Variants in FBXW5 observed in about 807,000 individuals in gnomAD.
FBXW5 encodes the protein F-box/WD repeat-containing protein 5.
In FBXW5, 74 loss-of-function variants were observed where a neutral mutation model predicts 50.9. That is an observed-to-expected ratio of 1.45 (90% CI 1.20 to 1.76). The LOEUF is 1.76. FBXW5 is among the 40% of genes most tolerant of loss of function. FBXW5 has a pLI of 0.00. For missense variants in FBXW5, 1,073 were observed against 818.8 expected (o/e 1.31, Z -3.79); for synonymous variants, 523 against 362.2 (o/e 1.44, Z -5.04).
chr9:136,943,571 T>A, intron 2 of FBXW5, 65 bp from the exon 3 acceptor site: 2 of 1,543,780 alleles, frequency 1.3e-6, no homozygotes, highest in Non-Finnish European at 1.8e-6. Context: ...ATGAGCCGAG[T>A]GTGGCCCCAG....
In FBXW5 at chr9:136,941,242, G is replaced by T; in HGVS notation, c.1457+9C>A. 1 of 1,602,956 alleles carries T rather than the reference G, an allele frequency of 6.2e-7. No individual in the cohort carries two copies. Among genetic ancestry groups the T allele is most frequent in the South Asian group, 1.1e-5 (1 of 90,772 alleles). On this transcript the variant is annotated intron_variant, in intron 8 of 8. Transcript: ENST00000325285. ...CCACACCCGCCCTGCACCACGCCGC[G>T]CCCTGCACCTGGCCACGAAGTCCCT...
chr9:136,941,071 G>T lies in FBXW5; in HGVS notation c.1558C>A (p.Pro520Thr). Residue 520 changes from proline to threonine, a missense_variant, in exon 9 of 9, where the codon CCC becomes ACC. Pro to Thr is a conservative substitution (Grantham distance 38). Transcript: ENST00000325285. ...EDVVNSVVFSPQEQELLLTAS... is the reference protein window; with the variant it reads ...EDVVNSVVFSTQEQELLLTAS... ...GTGAGCAGCAGCTCCTGCTCCTGGGGACTGAAGACCACTGAGTTGACCACA... is the reference window on the plus strand; with the variant it reads ...GTGAGCAGCAGCTCCTGCTCCTGGGTACTGAAGACCACTGAGTTGACCACA... 6.4e-7 allele frequency: 1 copy of T among 1,561,858 alleles called. No individual in the cohort carries two copies. Among genetic ancestry groups the T allele is most frequent in the South Asian group, 1.2e-5 (1 of 85,390 alleles).
In FBXW5 at chr9:136,942,816, A is replaced by T. The variant is rs1169519857; in HGVS notation, c.479T>A (p.Leu160Gln). The part of the protein sequence containing the change: ...DSLLLASGVF[L>Q]GPHNSSSGEI... ...GCCGGATGAGGAGTTGTGCGGCCCC[A>T]GGAACACCCCCGAGGCCAGCAGTAG... The change falls in exon 4 of 9, where the codon CTG becomes CAG. Residue 160 changes from leucine (L) to glutamine (Q), a missense_variant. Transcript: ENST00000325285. 6.2e-7 allele frequency: 1 copy of T among 1,613,140 alleles called. No individual in the cohort carries two copies.
rs1460068869 is a variant in FBXW5 at position 136,941,389 on chromosome 9, G to A, written c.1319C>T (p.Ala440Val). Reference sequence around the variant, plus strand: ...GAACACCAGCAGGTCAATCTCCTCCGCGATTGGTGGCGGCTGCATGGGGTC... The same window carrying A: ...GAACACCAGCAGGTCAATCTCCTCCACGATTGGTGGCGGCTGCATGGGGTC... ...VADPMQPPPIAEEIDLLVFDL... is the reference protein window; with the variant it reads ...VADPMQPPPIVEEIDLLVFDL... Residue 440 changes from alanine to valine, a missense_variant, in exon 8 of 9, where the codon GCG becomes GTG. Physicochemically the swap from Ala to Val is moderately conservative, Grantham distance 64. Coordinates refer to ENST00000325285, the MANE Select transcript of FBXW5 (RefSeq NM_018998.4). The A allele has an allele frequency of 9.9e-6, 16 of 1,611,188 alleles. No homozygotes were observed. The Middle Eastern group carries it at 6.6e-4, about 66-fold the overall frequency.
In FBXW5 at chr9:136,942,809, C is replaced by A; in HGVS notation, c.486G>T (p.Pro162=). 3 of 1,613,036 alleles carry A rather than the reference C, an allele frequency of 1.9e-6. No individual in the cohort carries two copies. The highest frequency in any genetic ancestry group is 2.5e-6 in the Non-Finnish European group (3 of 1,179,926). ...CAATCTCGCCGGATGAGGAGTTGTGCGGCCCCAGGAACACCCCCGAGGCCA... is the reference window on the plus strand; with the variant it reads ...CAATCTCGCCGGATGAGGAGTTGTGAGGCCCCAGGAACACCCCCGAGGCCA... The part of the protein sequence containing the change: ...LLLASGVFLG[P]HNSSSGEIAV... Residue 162 remains proline, a synonymous_variant, in exon 4 of 9, where the codon CCG becomes CCT. Coordinates refer to ENST00000325285, the MANE Select transcript of FBXW5 (RefSeq NM_018998.4).
intron 2 of FBXW5, 141 bp downstream of exon 2, chr9:136,943,750 G>T: frequency 9.2e-7 from 1 of 1,088,102 alleles, no homozygotes; most frequent in Non-Finnish European, 1.3e-6. Context: ...GCTGTGTCCT[G>T]ACAGGCCTCT....
intron 3 of FBXW5, 37 bp downstream of exon 3, chr9:136,943,312 G>A (rs767624995): frequency 4.5e-6 from 7 of 1,544,966 alleles, no homozygotes; most frequent in East Asian, 2.6e-5. Context: ...CTGCGGCAGA[G>A]CTGGGTGGGG....
chr9:136,944,250 A>G (rs1251324226), intron 1 of FBXW5, 144 bp from the exon 2 acceptor site: 5 of 938,148 alleles, frequency 5.3e-6, no homozygotes, highest in Non-Finnish European at 5.9e-6. Context: ...CCGCCGCCCA[A>G]CCAAGGACCC....
At chr9:136,942,022 G>A in intron 6 of FBXW5, 24 bp downstream of exon 6, 3 of 1,584,168 alleles carry the variant, frequency 1.9e-6, no homozygotes, top group Non-Finnish European at 2.6e-6. Flanking sequence ...GACCGAGGCG[G>A]GCAGCATGGC....
intron 6 of FBXW5, 41 bp downstream of exon 6, chr9:136,942,005 C>A (rs1484318873): frequency 1.3e-6 from 2 of 1,562,488 alleles, no homozygotes; most frequent in South Asian, 2.4e-5. Flanking sequence ...CTCCCCCAAG[C>A]TCCTAGGACC....
rs758284886 is a variant in FBXW5, at chr9:136,942,769, C to G, written c.526G>C (p.Asp176His). Residue 176 changes from aspartate (D) to histidine (H), a missense_variant and splice_region_variant, in exon 4 of 9, where the codon GAC (aspartate) becomes CAC (histidine). Physicochemically the swap from Asp to His is moderately conservative, Grantham distance 81. Transcript: ENST00000325285. The stretch of plus-strand genomic sequence containing the variant: ...GGGTCAACCCGCCGCCCGTGCTCAC[C>G]TAGGCTGATGACAGCAATCTCGCCG... ...SSGEIAVISL[D>H]SFALLSRVRN... 2.5e-6 allele frequency: 4 copies of G among 1,612,486 alleles called. No homozygotes were observed. In the South Asian group the frequency reaches 3.3e-5, roughly 13 times the overall value.
rs1478418762 is a variant in FBXW5 at position 136,942,228 on chromosome 9, A to G, written c.914T>C (p.Phe305Ser). 1 of 1,589,596 alleles carries G rather than the reference A, an allele frequency of 6.3e-7. No homozygotes were observed. The highest frequency in any genetic ancestry group is 8.6e-7 in the Non-Finnish European group (1 of 1,169,248). Residue 305 changes from phenylalanine (F) to serine (S), a missense_variant, in exon 6 of 9, where the codon TTT becomes TCT. Physicochemically the swap from Phe to Ser is radical, Grantham distance 155 (BLOSUM62 -2). Transcript: ENST00000325285. ...PAHAKEGLRH[F>S]LDRVLEGRAQ... is the part of the protein sequence containing the mutation. ...CCGCCCCTCCAGCACGCGGTCCAGAAAGTGCCGCAAGCCCTCCTTGGCGTG... is the reference window on the plus strand; with the variant it reads ...CCGCCCCTCCAGCACGCGGTCCAGAGAGTGCCGCAAGCCCTCCTTGGCGTG...
In FBXW5 at chr9:136,942,039, G is replaced by C. The variant is rs1387280694; in HGVS notation, c.1096+7C>G. ...CCGAGGCGGGCAGCATGGCGGCAGG[G>C]GTGTACCGATCTGGTGTGGGGAGTA... On this transcript the variant is annotated splice_region_variant and intron_variant, in intron 6 of 8. Transcript: ENST00000325285. 6.2e-7 allele frequency: 1 copy of C among 1,600,532 alleles called. No homozygotes were observed. Among genetic ancestry groups the C allele is most frequent in the South Asian group, 1.1e-5 (1 of 90,108 alleles).
intron 1 of FBXW5, chr9:136,944,345 C>A: frequency 1.6e-6 from 1 of 612,204 alleles, no homozygotes. Context: ...CCCCTCAGCC[C>A]GCCAGGGCCC....
rs766101143 is a variant in FBXW5 at position 136,943,881 on chromosome 9, C to T, written c.193+10G>A. ...GCAGAACGTGGGTAGGGGCCCCACA[C>T]GCCACTGACCTGGGTGTCGGGGCAC... On this transcript the variant is annotated intron_variant, in intron 2 of 8. Coordinates refer to ENST00000325285, the MANE Select transcript of FBXW5 (RefSeq NM_018998.4). 22 of 1,549,206 alleles carry T rather than the reference C, an allele frequency of 1.4e-5. No homozygotes were observed. The South Asian group carries it at 2.4e-4, about 17-fold the overall frequency.
chr9:136,943,227 C>T, intron 3 of FBXW5, 122 bp downstream of exon 3: 4 of 1,308,254 alleles, frequency 3.1e-6, no homozygotes, highest in Non-Finnish European at 4.2e-6. Flanking sequence ...AGGGAGGCTG[C>T]TGTCACCTCT....
At position 136,944,602 on chromosome 9, in the gene FBXW5, C is replaced by G; in HGVS notation, c.-32G>C. 2 of 984,430 alleles carry G rather than the reference C, an allele frequency of 2.0e-6. No individual in the cohort carries two copies. Among genetic ancestry groups the G allele is most frequent in the Non-Finnish European group, 2.4e-6 (2 of 829,312 alleles). The allele number at this position is 984,430 out of a possible 1,614,324, so 61.0% of individuals were successfully genotyped here. ...GCCGCAGGCGCACTCACCACGGCCG[C>G]CTCCGCCCGCTGCGCCGCCCCCGCC... On this transcript the variant is annotated 5_prime_UTR_variant, in exon 1 of 9. Transcript: ENST00000325285.
chr9:136,943,747 C>A, intron 2 of FBXW5, 144 bp downstream of exon 2: 1 of 1,075,864 alleles, frequency 9.3e-7, no homozygotes, highest in East Asian at 2.6e-5. Context: ...TGCGCTGTGT[C>A]CTGACAGGCC....
At position 136,942,430 on chromosome 9, in the gene FBXW5, G is replaced by A. The variant is rs370323405; in HGVS notation, c.712C>T (p.Leu238=). The part of the protein sequence containing the change: ...ESENVNVVKR[L]FKIQNLNAST... ...GCATTGAGGTTCTGGATCTTGAACA[G>A]CCGCTTCACCACGTTGACGTTCTCT... Residue 238 remains leucine (L), a synonymous_variant, in exon 6 of 9, where the codon CTG becomes TTG. Coordinates refer to ENST00000325285, the MANE Select transcript of FBXW5 (RefSeq NM_018998.4). 1.2e-6 allele frequency: 2 copies of A among 1,602,274 alleles called. No homozygotes were observed. The highest frequency in any genetic ancestry group is 1.7e-6 in the Non-Finnish European group (2 of 1,171,744).
Sources: gnomAD v4.1 joint callset for allele counts on GRCh38, gnomAD v4.1.1 for gene constraint, MANE v1.5 for transcripts, NCBI Gene and HGNC (gene_info 2026-07-23, HGNC 2026-07-21) for gene names.